The following EPB41L4A variants were observed in gnomAD, a reference collection of about 807,000 sequenced individuals.
EPB41L4A encodes the protein band 4.1-like protein 4A.
A neutral mutation model predicts 108.6 loss-of-function variants in EPB41L4A; 100 were observed. The ratio of observed to expected loss-of-function variants is 0.92; its 90% confidence interval spans 0.78 to 1.09. The LOEUF (loss-of-function observed/expected upper bound fraction) is 1.09, where lower values mean the gene tolerates loss of function less well. Among genes scored for constraint, EPB41L4A ranks in the 50% least tolerant of loss-of-function variants. EPB41L4A has a pLI of 0.00. For missense variants in EPB41L4A, 1,030 were observed against 842.7 expected, an observed-to-expected ratio of 1.22 and a Z score of -2.75; for synonymous variants, 319 against 289.0, an observed-to-expected ratio of 1.10 and a Z score of -1.05.
At chr5:112,344,579 A>C (rs1757517348) in intron 1 of EPB41L4A, among the ~76,000 whole-genome samples, 1 of 152,248 alleles carries the variant, frequency 6.6e-6, no homozygotes, top group African/African-American at 2.4e-5. Context: ...GTGTGATTGA[A>C]GTCTATAAGC....
At chr5:112,210,053 CTT>C (rs1217556743) in intron 12 of EPB41L4A, 71 bp from the exon 13 acceptor site, 7 of 952,090 alleles carry the variant, frequency 7.4e-6, no homozygotes, top group Admixed American at 2.4e-5. Flanking sequence ...AAACAGAAGA[CTT>C]ATTTTAAAAT....
chr5:112,166,223 G>A (rs1352102674), intron 22 of EPB41L4A, among the ~76,000 whole-genome samples: 1 of 152,222 alleles, frequency 6.6e-6, no homozygotes, highest in African/African-American at 2.4e-5. Context: ...CCAGAACTCT[G>A]GTGGCATTGT....
At chr5:112,305,522 G>T (rs983810341) in intron 2 of EPB41L4A, among the ~76,000 whole-genome samples, 34 of 152,018 alleles carry the variant, frequency 2.2e-4, no homozygotes, top group Admixed American at 2.2e-3. Context: ...TTTCACACAG[G>T]GTTTTTTTTA....
intron 1 of EPB41L4A, among the ~76,000 whole-genome samples, chr5:112,399,720 G>A (rs538791606): frequency 7.2e-5 from 11 of 152,174 alleles, no homozygotes; most frequent in South Asian, 4.1e-4. Flanking sequence ...CACACATCAC[G>A]TCTTAAATCC....
chr5:112,372,390 G>C (rs1174483243), intron 1 of EPB41L4A, among the ~76,000 whole-genome samples: 2 of 152,166 alleles, frequency 1.3e-5, no homozygotes, highest in Admixed American at 6.5e-5. Flanking sequence ...CCTTGACATG[G>C]GGATTATTAC....
chr5:112,372,431 G>C (rs1759551545), intron 1 of EPB41L4A, among the ~76,000 whole-genome samples: 1 of 152,206 alleles, frequency 6.6e-6, no homozygotes, highest in African/African-American at 2.4e-5. Flanking sequence ...TGGGGACAGA[G>C]AGCCAAAACA....
intron 1 of EPB41L4A, among the ~76,000 whole-genome samples, chr5:112,375,658 C>A: frequency 6.6e-6 from 1 of 152,166 alleles, no homozygotes; most frequent in Non-Finnish European, 1.5e-5. Flanking sequence ...GCTCCTCAGG[C>A]CCTTGAGGTA....
intron 2 of EPB41L4A, among the ~76,000 whole-genome samples, chr5:112,298,904 T>C (rs1580635578): frequency 6.6e-6 from 1 of 152,182 alleles, no homozygotes; most frequent in Non-Finnish European, 1.5e-5. Context: ...AATTTATCCA[T>C]ATCCTCCATG....
chr5:112,399,034 G>A (rs1761564828), intron 1 of EPB41L4A, among the ~76,000 whole-genome samples: 1 of 151,986 alleles, frequency 6.6e-6, no homozygotes, highest in South Asian at 2.1e-4. Flanking sequence ...AATGTACACT[G>A]TGAGACCAAC....
chr5:112,294,538 T>TG (rs1306677201), intron 2 of EPB41L4A, among the ~76,000 whole-genome samples: 2 of 152,108 alleles, frequency 1.3e-5, no homozygotes, highest in African/African-American at 2.4e-5. Context: ...AAAATATTTC[T>TG]GGGGGGTCGG....
intron 2 of EPB41L4A, among the ~76,000 whole-genome samples, chr5:112,295,178 G>T (rs1232193157): frequency 1.3e-5 from 2 of 152,204 alleles, no homozygotes; most frequent in African/African-American, 4.8e-5. Context: ...TGAGTGAACT[G>T]TATGGTCAAT....
At chr5:112,286,381 C>G (rs1034072297) in intron 2 of EPB41L4A, among the ~76,000 whole-genome samples, 1 of 152,138 alleles carries the variant, frequency 6.6e-6, no homozygotes, top group Admixed American at 6.5e-5. Context: ...CATTCATTAG[C>G]AATAACCCAA....
At chr5:112,172,002 G>C (rs1240505020) in intron 18 of EPB41L4A, among the ~76,000 whole-genome samples, 2 of 152,106 alleles carry the variant, frequency 1.3e-5, no homozygotes, top group African/African-American at 2.4e-5. Context: ...ACGGTATTCT[G>C]GTAGGGCTTC....
intron 1 of EPB41L4A, among the ~76,000 whole-genome samples, chr5:112,314,741 C>T (rs530676469): frequency 6.6e-5 from 10 of 151,566 alleles, no homozygotes; most frequent in African/African-American, 2.4e-4. Flanking sequence ...TGCAGTGAGC[C>T]GAGACTGCGA....
At chr5:112,284,174 T>C (rs1561539146) in intron 2 of EPB41L4A, among the ~76,000 whole-genome samples, 1 of 152,116 alleles carries the variant, frequency 6.6e-6, no homozygotes, top group Non-Finnish European at 1.5e-5. Context: ...GAAAGGGAAG[T>C]AGTCCATTCA....
chr5:112,259,249 G>A lies in EPB41L4A; in HGVS notation c.775C>T (p.Leu259Phe). 6.2e-7 allele frequency: 1 copy of A among 1,613,778 alleles called. No homozygotes were observed. Among genetic ancestry groups the A allele is most frequent in the Non-Finnish European group, 8.5e-7 (1 of 1,179,670 alleles). ...CTTACATCTTTTCCCAGTACTCTGA[G>A]TTCAAATTGAGTCTCCTTGAAGTGA... ...KVHFKETQFE[L>F]RVLGKDCNET... Residue 259 changes from leucine (L) to phenylalanine (F), a missense_variant, in exon 9 of 23, where the codon CTC becomes TTC. By Grantham distance (22) the Leu-to-Phe change is conservative. Coordinates refer to ENST00000261486, the MANE Select transcript of EPB41L4A (RefSeq NM_022140.5).
At chr5:112,355,565 C>T (rs1246525645) in intron 1 of EPB41L4A, among the ~76,000 whole-genome samples, 1 of 152,134 alleles carries the variant, frequency 6.6e-6, no homozygotes, top group East Asian at 1.9e-4. Context: ...TCTGGTTCCT[C>T]ATTAGAAGTG....
intron 1 of EPB41L4A, among the ~76,000 whole-genome samples, chr5:112,336,785 G>A (rs1276544617): frequency 6.6e-6 from 1 of 152,158 alleles, no homozygotes; most frequent in Non-Finnish European, 1.5e-5. Flanking sequence ...ATGAGTAGGT[G>A]ATAGCTTTCA....
chr5:112,192,539 T>C (rs1384887611), intron 17 of EPB41L4A, among the ~76,000 whole-genome samples: 1 of 152,188 alleles, frequency 6.6e-6, no homozygotes, highest in East Asian at 1.9e-4. Flanking sequence ...ACAAAGTGCA[T>C]TAAACATTCA....
Sources: allele counts gnomAD v4.1 joint callset (sites outside exome capture counted in the v4.1 genomes callset), GRCh38; gene constraint gnomAD v4.1.1; transcripts MANE v1.5; gene names NCBI Gene and HGNC (gene_info 2026-07-23, HGNC 2026-07-21).